The following DACH2 variants were observed in gnomAD, a reference collection of about 807,000 sequenced individuals.
The protein encoded by DACH2 is dachshund homolog 2.
A neutral mutation model predicts 35.8 loss-of-function variants in DACH2; 17 were observed. The ratio of observed to expected loss-of-function variants is 0.48; its 90% CI spans 0.33 to 0.71. DACH2 has a LOEUF of 0.71. Ranked by LOEUF, DACH2 falls within the 30% of genes least tolerant of loss-of-function variation. DACH2 has a pLI of 0.02. For synonymous variants in DACH2, 195 were observed against 177.3 expected (o/e 1.10, Z -0.79); for missense variants, 469 against 472.7 (o/e 0.99, Z 0.07).
At chrX:86,453,504 G>A (rs1472371790) in intron 2 of DACH2, among the ~76,000 whole-genome samples, 1 of 111,659 alleles carries the variant, frequency 9.0e-6, no homozygotes, top group Non-Finnish European at 1.9e-5. Flanking sequence ...TCATGTATTG[G>A]TTGCATATAT....
intron 1 of DACH2, among the ~76,000 whole-genome samples, chrX:86,334,531 T>A (rs1325155596): frequency 8.9e-6 from 1 of 112,757 alleles, no homozygotes; most frequent in Non-Finnish European, 1.9e-5. Flanking sequence ...TTTTTTCATA[T>A]GTTTGCTGAC....
chrX:86,814,741 G>A lies in DACH2; in HGVS notation c.1591G>A (p.Glu531Lys). Residue 531 changes from glutamate (E) to lysine (K), a missense_variant, in exon 10 of 12, where the codon GAA becomes AAA. Glu to Lys is a moderately conservative substitution (Grantham distance 56). Around this residue, in one of 3 missense-constraint regions of DACH2, gnomAD observed 363 missense variants for 334.4 expected, o/e 1.09. Coordinates refer to ENST00000373125, the MANE Select transcript of DACH2 (RefSeq NM_053281.3). ...KEKKTKRKLQ[E>K]ALEFESKRRE... Reference sequence around the variant, plus strand: ...GAAAAAAACCAAGAGAAAATTGCAGGAAGCCTTGGAATTTGAATCAAAGCG... The same window carrying A: ...GAAAAAAACCAAGAGAAAATTGCAGAAAGCCTTGGAATTTGAATCAAAGCG... The A allele has an allele frequency of 4.1e-6, 5 of 1,211,152 alleles. No homozygotes were observed. Among genetic ancestry groups the A allele is most frequent in the Non-Finnish European group, 5.6e-6 (5 of 895,177 alleles).
chrX:86,438,093 C>T (rs2037097544), intron 2 of DACH2, among the ~76,000 whole-genome samples: 1 of 108,887 alleles, frequency 9.2e-6, no homozygotes, highest in Admixed American at 1.0e-4. Flanking sequence ...TCCATATGTT[C>T]TTATCATTTA....
chrX:86,490,641 G>A (rs1211439957), intron 2 of DACH2, among the ~76,000 whole-genome samples: 1 of 111,409 alleles, frequency 9.0e-6, no homozygotes, highest in Non-Finnish European at 1.9e-5. Context: ...AGATGGCTAC[G>A]TGTTGGTTAT....
At position 86,814,816 on chromosome X, in the gene DACH2, G is replaced by A. The variant is rs780040421; in HGVS notation, c.1666G>A (p.Gly556Ser). 2 of 1,207,048 alleles carry A rather than the reference G, an allele frequency of 1.7e-6. No individual in the cohort carries two copies. The highest frequency in any genetic ancestry group is 2.2e-6 in the Non-Finnish European group (2 of 893,268). The change falls in exon 10 of 12, where the codon GGC (glycine) becomes AGC (serine). Residue 556 changes from glycine (G) to serine (S), a missense_variant. Gly to Ser is a moderately conservative substitution (Grantham distance 56, BLOSUM62 0). This residue lies in a region of DACH2 where 363 missense variants were observed against 334.4 expected (regional missense o/e 1.09). Coordinates refer to ENST00000373125, the MANE Select transcript of DACH2 (RefSeq NM_053281.3). ...TAAGCAAGCCACCACTAGTGACAGT[G>A]GCCTGAGGATGTTAAAAGGTAATGT... ...ALKQATTSDS[G>S]LRMLKDTGIP...
intron 2 of DACH2, among the ~76,000 whole-genome samples, chrX:86,432,575 T>C (rs1426805186): frequency 8.9e-6 from 1 of 111,961 alleles, no homozygotes; most frequent in African/African-American, 3.2e-5. Context: ...TAGGCAGATA[T>C]ATTGATTAAC....
intron 7 of DACH2, among the ~76,000 whole-genome samples, chrX:86,779,023 CT>C (rs1241508370): frequency 8.9e-6 from 1 of 111,870 alleles, no homozygotes; most frequent in African/African-American, 3.2e-5. Context: ...AAATTGCCTG[CT>C]CTTATGGAGA....
At chrX:86,498,346 C>G (rs1201431179) in intron 2 of DACH2, among the ~76,000 whole-genome samples, 1 of 112,136 alleles carries the variant, frequency 8.9e-6, no homozygotes, top group Non-Finnish European at 1.9e-5. Flanking sequence ...ATACATAAAT[C>G]CATCCTCACT....
intron 4 of DACH2, among the ~76,000 whole-genome samples, chrX:86,693,002 AC>A (rs1445318630): frequency 8.9e-6 from 1 of 112,382 alleles, no homozygotes; most frequent in African/African-American, 3.2e-5. Context: ...TTTAATTGAA[AC>A]TTCAAATTTG....
At chrX:86,474,797 G>A (rs970060149) in intron 2 of DACH2, among the ~76,000 whole-genome samples, 5 of 111,720 alleles carry the variant, frequency 4.5e-5, no homozygotes, top group African/African-American at 6.5e-5. Flanking sequence ...GCAATGGCAC[G>A]ATCTTGGCTC....
chrX:86,593,970 G>A (rs1368845769), intron 3 of DACH2, among the ~76,000 whole-genome samples: 1 of 110,818 alleles, frequency 9.0e-6, no homozygotes, highest in Non-Finnish European at 1.9e-5. Flanking sequence ...TACACCCATC[G>A]TAGCCTGGTT....
intron 2 of DACH2, among the ~76,000 whole-genome samples, chrX:86,429,502 A>G (rs1263341164): frequency 4.6e-5 from 5 of 108,317 alleles, no homozygotes; most frequent in African/African-American, 1.7e-4. Context: ...AATAAAACAT[A>G]TTGTTGTTAA....
At chrX:86,755,593 A>ATTT (rs35672351) in intron 7 of DACH2, among the ~76,000 whole-genome samples, 45 of 77,606 alleles carry the variant, frequency 5.8e-4, no homozygotes, top group African/African-American at 1.8e-3. Context: ...TCTTGACCTA[A>ATTT]TTTTTTTTTT....
chrX:86,675,748 T>G (rs775921865), intron 4 of DACH2, among the ~76,000 whole-genome samples: 25 of 79,042 alleles, frequency 3.2e-4, no homozygotes, highest in South Asian at 1.5e-3. Flanking sequence ...AAATTAAGAG[T>G]TTTTTTTTCT....
intron 1 of DACH2, among the ~76,000 whole-genome samples, chrX:86,299,912 T>A (rs1338933511): frequency 8.9e-6 from 1 of 111,799 alleles, no homozygotes; most frequent in Non-Finnish European, 1.9e-5. Context: ...TTAAATTTTT[T>A]ATTGGTACAT....
intron 4 of DACH2, among the ~76,000 whole-genome samples, chrX:86,673,318 A>G (rs1387016190): frequency 1.1e-5 from 1 of 89,056 alleles, no homozygotes; most frequent in East Asian, 4.1e-4. Flanking sequence ...GTCTGGGGAC[A>G]GAGCGAGACT....
At chrX:86,154,450 C>T (rs560453892) in intron 1 of DACH2, among the ~76,000 whole-genome samples, 3 of 111,465 alleles carry the variant, frequency 2.7e-5, no homozygotes, top group African/African-American at 9.7e-5. Flanking sequence ...TCTTCCCTTT[C>T]ACCATCTCAA....
At chrX:86,302,887 T>A (rs1409423776) in intron 1 of DACH2, among the ~76,000 whole-genome samples, 1 of 109,414 alleles carries the variant, frequency 9.1e-6, no homozygotes, top group African/African-American at 3.3e-5. Context: ...TAAATGATAA[T>A]AATAACCAAT....
intron 3 of DACH2, among the ~76,000 whole-genome samples, chrX:86,533,920 C>T (rs2038760429): frequency 9.0e-6 from 1 of 111,393 alleles, no homozygotes; most frequent in South Asian, 3.7e-4. Context: ...ACAAGAATTT[C>T]TATGAAGACA....
Sources: gnomAD v4.1 joint callset for allele counts (sites outside exome capture counted in the v4.1 genomes callset) on GRCh38, gnomAD v4.1.1 for gene constraint, gnomAD v4.1.1 regional missense constraint, MANE v1.5 for transcripts, NCBI Gene and HGNC (gene_info 2026-07-23, HGNC 2026-07-21) for gene names.